The following KANSL1 variants were observed in gnomAD, a reference collection of about 807,000 sequenced individuals.
KANSL1 encodes the protein KAT8 regulatory NSL complex subunit 1, also known as MLL1/MLL complex subunit KANSL1.
KANSL1 carries 22 observed loss-of-function variants against 103.6 expected under a neutral mutation model. That is an observed-to-expected ratio of 0.21 (90% confidence interval 0.15 to 0.30). The LOEUF is 0.30. Ranked by LOEUF, KANSL1 falls within the 10% of genes least tolerant of loss-of-function variation. The probability of loss-of-function intolerance (pLI) is 1.00; values close to 1 mark genes in which losing one functional copy is unlikely to be tolerated. For missense variants in KANSL1, 1,337 were observed against 1,399.8 expected, an observed-to-expected ratio of 0.96 and a Z score of 0.72; for synonymous variants, 600 against 527.6, an observed-to-expected ratio of 1.14 and a Z score of -1.88.
chr17:46,122,859 ATG>A (rs1166683371), intron 2 of KANSL1, among the ~76,000 whole-genome samples: 2 of 152,204 alleles, frequency 1.3e-5, no homozygotes, highest in African/African-American at 2.4e-5. Flanking sequence ...ACTGATAAAA[ATG>A]TGTGTTCTCA....
intron 2 of KANSL1, among the ~76,000 whole-genome samples, chr17:46,102,396 C>T (rs1444515546): frequency 2.0e-5 from 3 of 152,164 alleles, no homozygotes; most frequent in African/African-American, 7.2e-5. Context: ...ATTACAGGTG[C>T]CTGTCACCAT....
intron 6 of KANSL1, among the ~76,000 whole-genome samples, chr17:46,057,544 G>C (rs62060767): frequency 6.6e-6 from 1 of 151,944 alleles, no homozygotes; most frequent in Non-Finnish European, 1.5e-5. Context: ...GATCACCAGT[G>C]GTTGATAACA....
At chr17:46,137,225 T>C (rs1318980501) in intron 2 of KANSL1, among the ~76,000 whole-genome samples, 1 of 152,252 alleles carries the variant, frequency 6.6e-6, no homozygotes, top group Non-Finnish European at 1.5e-5. Flanking sequence ...TACTCACTTA[T>C]TCTCTATTCA....
chr17:46,214,117 A>G (rs1387641830), intron 1 of KANSL1, among the ~76,000 whole-genome samples: 1 of 152,242 alleles, frequency 6.6e-6, no homozygotes, highest in Admixed American at 6.5e-5. Flanking sequence ...CCAAAAGCAA[A>G]AACAACAAAA....
intron 6 of KANSL1, among the ~76,000 whole-genome samples, chr17:46,051,852 G>A (rs1048250118): frequency 6.6e-6 from 1 of 152,174 alleles, no homozygotes; most frequent in Non-Finnish European, 1.5e-5. Flanking sequence ...TAAGAACAAT[G>A]TGGTCTTTAT....
At chr17:46,121,956 T>G (rs2043300549) in intron 2 of KANSL1, among the ~76,000 whole-genome samples, 1 of 152,206 alleles carries the variant, frequency 6.6e-6, no homozygotes, top group African/African-American at 2.4e-5. Context: ...AAGCCTATTT[T>G]ATAACAAAGC....
chr17:46,196,888 CTT>C (rs1256933775), upstream of KANSL1, among the ~76,000 whole-genome samples: 13 of 152,156 alleles, frequency 8.5e-5, no homozygotes, highest in Admixed American at 8.5e-4. Flanking sequence ...GAGAGTATTG[CTT>C]GAGCCCAGGA....
intron 4 of KANSL1, among the ~76,000 whole-genome samples, chr17:46,075,884 G>C (rs1333712496): frequency 6.6e-6 from 1 of 152,132 alleles, no homozygotes; most frequent in Non-Finnish European, 1.5e-5. Context: ...CCATGCTTCA[G>C]CAAGTCCATA....
chr17:46,081,282 T>C (rs2078979471), intron 4 of KANSL1, among the ~76,000 whole-genome samples: 2 of 152,234 alleles, frequency 1.3e-5, no homozygotes, highest in Non-Finnish European at 2.9e-5. Flanking sequence ...GCCTCATGTT[T>C]CATGTTTCCT....
rs537299224 is a variant in KANSL1 at position 46,066,237 on chromosome 17, C to T, written c.1848+300G>A. On this transcript the variant is annotated intron_variant, in intron 6 of 14. Coordinates refer to ENST00000432791, the MANE Select transcript of KANSL1 (RefSeq NM_015443.4). ...GAAGGTGAGAGGGCACACTATTCTC[C>T]TTCAAAGTGTTAAGGGCAGTACTTA... 5.3e-5 allele frequency among the ~76,000 whole-genome samples: 8 copies of T among 152,296 alleles called. No homozygotes were observed. In the South Asian group the frequency reaches 1.0e-3, roughly 20 times the overall value.
intron 2 of KANSL1, among the ~76,000 whole-genome samples, chr17:46,169,157 T>C (rs1023628482): frequency 3.9e-5 from 6 of 152,258 alleles, no homozygotes; most frequent in African/African-American, 1.4e-4. Context: ...AACCAAGATA[T>C]TTTTAAAGCG....
Position 46,218,176 on chromosome 17 carries a change from C to T in KANSL1, c.-90+5495G>A, listed in dbSNP as rs1257613160. 3.9e-5 allele frequency among the ~76,000 whole-genome samples: 6 copies of T among 152,246 alleles called. No homozygotes were observed. In the East Asian group the frequency reaches 1.2e-3, roughly 29 times the overall value. On this transcript the variant is annotated intron_variant, in intron 1 of 14. Coordinates refer to the KANSL1 transcript ENST00000572904. ...GCCCTTAGATTTCTAGCCTCCAGAA[C>T]AGGGAGACAATAAATTTCTGTTATT...
chr17:46,176,356 C>A (rs554619258), intron 1 of KANSL1, among the ~76,000 whole-genome samples: 2 of 152,256 alleles, frequency 1.3e-5, no homozygotes, highest in Non-Finnish European at 2.9e-5. Flanking sequence ...TTATTCAATT[C>A]TTTAAAGCTT....
intron 2 of KANSL1, chr17:46,148,297 G>C (rs562417662): frequency 6.6e-6 from 1 of 152,352 alleles, no homozygotes; most frequent in Admixed American, 6.5e-5. Context: ...AACTGGGAGA[G>C]GAGGAACATA....
intron 2 of KANSL1, among the ~76,000 whole-genome samples, chr17:46,112,488 C>T (rs1334710245): frequency 6.6e-6 from 1 of 151,218 alleles, no homozygotes; most frequent in Non-Finnish European, 1.5e-5. Flanking sequence ...AATTCGAGAC[C>T]GGCGTGGCCA....
chr17:46,155,042 G>A (rs2532295), intron 2 of KANSL1, among the ~76,000 whole-genome samples: 18,677 of 150,004 alleles, frequency 0.12, 22 homozygotes, highest in Middle Eastern at 0.19. Context: ...AAAATAGTAA[G>A]TGAAATAACT....
chr17:46,133,249 T>G (rs2043956570), intron 2 of KANSL1, among the ~76,000 whole-genome samples: 1 of 152,204 alleles, frequency 6.6e-6, no homozygotes, highest in African/African-American at 2.4e-5. Context: ...CCAGGACCAC[T>G]GAGTGTTCTG....
chr17:46,158,666 G>A (rs567820723), intron 2 of KANSL1, among the ~76,000 whole-genome samples: 5 of 152,276 alleles, frequency 3.3e-5, no homozygotes, highest in African/African-American at 9.6e-5. Flanking sequence ...TCAGCGTCCC[G>A]AGTAGCTGGG....
At chr17:46,034,034 A>T (rs995645972) in intron 11 of KANSL1, 127 bp downstream of exon 11, 3 of 1,196,806 alleles carry the variant, frequency 2.5e-6, no homozygotes, top group Non-Finnish European at 2.4e-6. Context: ...TTCTTATCAG[A>T]TAAGAATTTC....
Sources: gnomAD v4.1 joint callset for allele counts (sites outside exome capture counted in the v4.1 genomes callset) on GRCh38, gnomAD v4.1.1 for gene constraint, MANE v1.5 for transcripts, NCBI Gene and HGNC (gene_info 2026-07-23, HGNC 2026-07-21) for gene names.